The following WASHC2C variants were observed in gnomAD, a reference collection of about 807,000 sequenced individuals.
The protein encoded by WASHC2C is Vaccinia Penetration Factor.
Under a neutral mutation model 142.2 loss-of-function variants are expected in WASHC2C, and 73 were observed. That is an observed-to-expected ratio of 0.51 (90% CI 0.43 to 0.62). The LOEUF (loss-of-function observed/expected upper bound fraction) is 0.62, where lower values mean the gene tolerates loss of function less well. Among genes scored for constraint, WASHC2C ranks in the 20% least tolerant of loss-of-function variants. The pLI is 0.00. For synonymous variants in WASHC2C, 337 were observed against 565.5 expected (o/e 0.60, Z 5.73); for missense variants, 969 against 1,531.7 (o/e 0.63, Z 6.13).
chr10:45,752,775 G>T (rs1253257274), intron 12 of WASHC2C, 69 bp downstream of exon 12: 27 of 1,075,532 alleles, frequency 2.5e-5, no homozygotes, highest in African/African-American at 5.2e-5. Context: ...GAAGATATAG[G>T]CTTTGCTTGT....
intron 3 of WASHC2C, among the ~76,000 whole-genome samples, chr10:45,736,227 A>G (rs1204745223): frequency 6.6e-6 from 1 of 151,310 alleles, no homozygotes; most frequent in African/African-American, 2.4e-5. Flanking sequence ...ACATGGTGAA[A>G]CCCCATCTCT....
intron 30 of WASHC2C, 25 bp downstream of exon 30, chr10:45,790,558 C>G: frequency 6.2e-7 from 1 of 1,611,930 alleles, no homozygotes; most frequent in Admixed American, 1.7e-5. Flanking sequence ...CTACATCTGA[C>G]CTAGAGAATT....
chr10:45,728,892 C>A lies in WASHC2C; in HGVS notation c.157C>A (p.Gln53Lys). 3 of 1,613,516 alleles carry A rather than the reference C, an allele frequency of 1.9e-6. No individual in the cohort carries two copies. The highest frequency in any genetic ancestry group is 2.5e-6 in the Non-Finnish European group (3 of 1,179,750). ...ACAGTTTCTACAGGAATTCTCACAG[C>A]AAACTATCTCTAGGACCCATGAAAT... ...LLQFLQEFSQ[Q>K]TISRTHEIKK... is the part of the protein sequence containing the mutation. Residue 53 changes from glutamine to lysine, a missense_variant, in exon 3 of 31, where the codon CAA becomes AAA. Gln to Lys is a moderately conservative substitution (Grantham distance 53, BLOSUM62 1). Coordinates refer to ENST00000623400, the MANE Select transcript of WASHC2C (RefSeq NM_001330074.2).
intron 8 of WASHC2C, among the ~76,000 whole-genome samples, chr10:45,748,907 G>C (rs1554872592): frequency 6.6e-6 from 1 of 152,176 alleles, no homozygotes. Flanking sequence ...GTCATTCCAA[G>C]TCTGTTTCTT....
intron 28 of WASHC2C, among the ~76,000 whole-genome samples, chr10:45,788,075 A>G (rs1490034218): frequency 6.6e-6 from 1 of 152,260 alleles, no homozygotes; most frequent in East Asian, 1.9e-4. Context: ...TGTGCAAAAC[A>G]AAACAGCCTT....
chr10:45,759,289 CCA>C, intron 16 of WASHC2C, 24 bp from the exon 17 acceptor site: 3 of 537,818 alleles, frequency 5.6e-6, no homozygotes, highest in South Asian at 2.0e-5. Context: ...TTTTTCTTCC[CCA>C]CCCCCCCCCC....
intron 1 of WASHC2C, 40 bp downstream of exon 1, chr10:45,727,360 GGCCGCCGTCCCT>G (rs1351352457): frequency 1.2e-6 from 2 of 1,602,682 alleles, no homozygotes; most frequent in Non-Finnish European, 1.7e-6. Flanking sequence ...CCTGGGCTGG[GGCCGCCGTCCCT>G]GCCGCCCTCA....
chr10:45,765,836 G>C, intron 19 of WASHC2C, 26 bp downstream of exon 19: 1 of 1,611,740 alleles, frequency 6.2e-7, no homozygotes. Context: ...TGCTAAAAAA[G>C]AGGGGATTAT....
chr10:45,749,121 T>C (rs1254015720), intron 8 of WASHC2C, among the ~76,000 whole-genome samples: 1 of 152,006 alleles, frequency 6.6e-6, no homozygotes, highest in Non-Finnish European at 1.5e-5. Context: ...TTTATATTTC[T>C]CTAGTAAAAG....
intron 25 of WASHC2C, 105 bp downstream of exon 25, chr10:45,785,006 G>T: frequency 6.2e-7 from 1 of 1,607,982 alleles, no homozygotes. Context: ...GAGTCGTGCT[G>T]CTTCCTGCTA....
At position 45,784,271 on chromosome 10, in the gene WASHC2C, TATATATATATATATATATACAC is replaced by T. The variant is rs1191117724; in HGVS notation, c.2479-270_2479-249del. On this transcript the variant is annotated intron_variant, in intron 23 of 30. Coordinates refer to ENST00000623400, the MANE Select transcript of WASHC2C (RefSeq NM_001330074.2). ...GTGTGTGTATATATATATATATATA[TATATATATATATATATATACAC>T]ATATATATATATATATATACACACA... Among the ~76,000 whole-genome samples, 70 of 8,714 alleles carry T rather than the reference TATATATATATATATATATACAC, an allele frequency of 8.0e-3. 3 individuals are homozygous for T. The highest frequency in any genetic ancestry group is 0.02 in the Non-Finnish European group (58 of 2,862). 5.7% of individuals were successfully genotyped at this position (8,714 alleles called of 152,430 possible). A position where few individuals can be genotyped will look rare whatever the true frequency, so the allele number is the denominator to read the frequency against.
At chr10:45,785,660 C>T (rs1235034341) in intron 26 of WASHC2C, 29 bp downstream of exon 26, 4 of 1,612,574 alleles carry the variant, frequency 2.5e-6, no homozygotes, top group Non-Finnish European at 3.4e-6. Flanking sequence ...GGATTTTCAG[C>T]TCTTGTTTGC....
intron 23 of WASHC2C, among the ~76,000 whole-genome samples, chr10:45,783,443 G>A (rs1185398226): frequency 6.6e-6 from 1 of 152,066 alleles, no homozygotes; most frequent in Non-Finnish European, 1.5e-5. Context: ...TTTTTCATTA[G>A]TTTTTTTGGT....
At chr10:45,784,293 C>CATATATATATATATATATATACACATAT (rs1286811903) in intron 23 of WASHC2C, among the ~76,000 whole-genome samples, 2 of 63,660 alleles carry the variant, frequency 3.1e-5, no homozygotes, top group African/African-American at 1.0e-4. Flanking sequence ...TATATATACA[C>CATATATATATATATATATATACACATAT]ATATATATAT....
At chr10:45,787,707 C>T (rs1478732793) in intron 28 of WASHC2C, among the ~76,000 whole-genome samples, 1 of 151,928 alleles carries the variant, frequency 6.6e-6, no homozygotes, top group Non-Finnish European at 1.5e-5. Flanking sequence ...TGACTCCAGG[C>T]ACACCAGGTG....
intron 21 of WASHC2C, among the ~76,000 whole-genome samples, chr10:45,774,784 C>T (rs1401268769): frequency 8.9e-6 from 1 of 112,714 alleles, no homozygotes; most frequent in South Asian, 3.1e-4. Flanking sequence ...GTGGGCCACA[C>T]GAGACACAGC....
chr10:45,736,835 A>T (rs2051336311), intron 3 of WASHC2C, among the ~76,000 whole-genome samples: 1 of 151,986 alleles, frequency 6.6e-6, no homozygotes, highest in Non-Finnish European at 1.5e-5. Flanking sequence ...ATACCATAAA[A>T]TTCAGTCCTT....
chr10:45,749,345 G>C (rs2053246139), intron 8 of WASHC2C, among the ~76,000 whole-genome samples: 2 of 151,276 alleles, frequency 1.3e-5, no homozygotes, highest in Admixed American at 6.6e-5. Flanking sequence ...TGAGGCAGGA[G>C]AATGGCTTGA....
Position 45,746,590 on chromosome 10 carries a change from A to C in WASHC2C, c.685-10A>C, listed in dbSNP as rs2446526. 73,810 of 1,610,986 alleles carry C rather than the reference A, an allele frequency of 0.046. 2,920 individuals are homozygous for C. The highest frequency in any genetic ancestry group is 0.19 in the African/African-American group (14,446 of 74,472). On this transcript the variant is annotated splice_polypyrimidine_tract_variant and intron_variant, in intron 7 of 30. Transcript: ENST00000623400. ...CCATTTAACAACAAAGCCTTTTCTT[A>C]CCCATAAAGGAGTCAGATGAAGATT...
Sources: allele counts gnomAD v4.1 joint callset (sites outside exome capture counted in the v4.1 genomes callset), GRCh38; gene constraint gnomAD v4.1.1; transcripts MANE v1.5; gene names NCBI Gene and HGNC (gene_info 2026-07-23, HGNC 2026-07-21).